Variants in SCML4 observed in about 807,000 individuals in gnomAD.
SCML4 encodes Scm polycomb group protein like 4, also known as sex comb on midleg-like protein 4.
SCML4 carries 34 observed loss-of-function variants against 41.1 expected under a neutral mutation model. The ratio of observed to expected loss-of-function variants is 0.83; its 90% CI spans 0.63 to 1.10. SCML4 has a LOEUF of 1.10. Ranked by LOEUF, SCML4 falls within the 50% of genes least tolerant of loss-of-function variation. SCML4 has a pLI of 0.00. For missense variants in SCML4, 522 were observed against 534.1 expected, an observed-to-expected ratio of 0.98 and a Z score of 0.22; for synonymous variants, 214 against 220.9, an observed-to-expected ratio of 0.97 and a Z score of 0.28.
chr6:107,742,393 A>C (rs573709597), intron 5 of SCML4, among the ~76,000 whole-genome samples: 1 of 152,320 alleles, frequency 6.6e-6, no homozygotes, highest in South Asian at 2.1e-4. Flanking sequence ...AATAACAGAA[A>C]ACTTTCCAAA....
chr6:107,738,351 TATC>T (rs1179572208), intron 5 of SCML4, among the ~76,000 whole-genome samples: 2 of 151,564 alleles, frequency 1.3e-5, no homozygotes, highest in African/African-American at 4.9e-5. Flanking sequence ...ACAGGAAAAA[TATC>T]ATTTGAATAG....
intron 1 of SCML4, among the ~76,000 whole-genome samples, chr6:107,817,420 C>T (rs1163359896): frequency 6.6e-6 from 1 of 152,058 alleles, no homozygotes; most frequent in Non-Finnish European, 1.5e-5. Context: ...AGCTTGAGAC[C>T]AGCCTGGGCA....
At chr6:107,749,507 T>C (rs1256483461) in intron 3 of SCML4, among the ~76,000 whole-genome samples, 177 bp downstream of exon 3, 1 of 152,166 alleles carries the variant, frequency 6.6e-6, no homozygotes, top group Non-Finnish European at 1.5e-5. Context: ...CTGTGGGACA[T>C]ATAAACTGGT....
At chr6:107,835,600 G>A in the SCML4 span, among the ~76,000 whole-genome samples, 4 of 151,498 alleles carry the variant, frequency 2.6e-5, no homozygotes, top group Non-Finnish European at 5.9e-5. Flanking sequence ...AATTATCTGG[G>A]CATGGTGGCA....
intron 1 of SCML4, among the ~76,000 whole-genome samples, chr6:107,822,290 G>A (rs528439889): frequency 4.6e-5 from 7 of 152,234 alleles, no homozygotes; most frequent in Admixed American, 2.6e-4. Flanking sequence ...TCTGTGGGCT[G>A]AGCTGCTTAG....
chr6:107,752,381 G>A (rs570685024), intron 2 of SCML4, among the ~76,000 whole-genome samples: 16 of 152,138 alleles, frequency 1.1e-4, no homozygotes, highest in Non-Finnish European at 1.9e-4. Context: ...ATATGAAGAT[G>A]TACATTTGGG....
intron 1 of SCML4, among the ~76,000 whole-genome samples, chr6:107,800,463 T>G (rs941319664): frequency 4.6e-5 from 7 of 152,196 alleles, no homozygotes; most frequent in African/African-American, 1.7e-4. Flanking sequence ...TACCTTTGAA[T>G]TCAACTCCTG....
chr6:107,799,962 T>C, intron 1 of SCML4, among the ~76,000 whole-genome samples: 1 of 151,332 alleles, frequency 6.6e-6, no homozygotes. Flanking sequence ...TGTGGATATG[T>C]TCCTTTTTTT....
At chr6:107,724,585 CA>C (rs1389628797) in intron 5 of SCML4, among the ~76,000 whole-genome samples, 1 of 151,922 alleles carries the variant, frequency 6.6e-6, no homozygotes, top group African/African-American at 2.4e-5. Flanking sequence ...AAAGTTCAAA[CA>C]TACTCTGAAA....
Position 107,810,064 on chromosome 6 carries a change from G to A in SCML4, c.-60+14062C>T, listed in dbSNP as rs191061604. On this transcript the variant is annotated intron_variant, in intron 1 of 7. Transcript: ENST00000369020. ...GCAAACAGAGAGAGGCTGGCTGCTCGTGAGCAGATAGAGAAGAGCCCTGGT... is the reference window on the plus strand; with the variant it reads ...GCAAACAGAGAGAGGCTGGCTGCTCATGAGCAGATAGAGAAGAGCCCTGGT... 2.7e-3 allele frequency among the ~76,000 whole-genome samples: 414 copies of A among 152,276 alleles called. 2 individuals are homozygous for A. The highest frequency in any genetic ancestry group is 4.0e-3 in the Non-Finnish European group (270 of 68,026).
At chr6:107,803,414 C>A (rs1370332231) in intron 1 of SCML4, among the ~76,000 whole-genome samples, 119 of 145,468 alleles carry the variant, frequency 8.2e-4, no homozygotes, top group Non-Finnish European at 9.8e-4. Context: ...CCGCCCCATC[C>A]GGGAGGGAGG....
At chr6:107,745,305 G>A in intron 4 of SCML4, 162 bp from the exon 5 acceptor site, 1 of 594,004 alleles carries the variant, frequency 1.7e-6, no homozygotes, top group Non-Finnish European at 3.0e-6. Context: ...TTCTGGTGGG[G>A]ATCCCACCCA....
intron 2 of SCML4, among the ~76,000 whole-genome samples, chr6:107,759,271 A>G (rs992919602): frequency 6.6e-6 from 1 of 152,012 alleles, no homozygotes; most frequent in African/African-American, 2.4e-5. Context: ...CGGAGGTTGC[A>G]GTAAGCCGAG....
At chr6:107,800,146 C>T (rs1474418805) in intron 1 of SCML4, among the ~76,000 whole-genome samples, 1 of 152,048 alleles carries the variant, frequency 6.6e-6, no homozygotes, top group Non-Finnish European at 1.5e-5. Flanking sequence ...CACACCACTG[C>T]CCTCAGCATG....
At chr6:107,721,531 GAA>G (rs55720013) in intron 5 of SCML4, among the ~76,000 whole-genome samples, 7 of 150,248 alleles carry the variant, frequency 4.7e-5, no homozygotes, top group South Asian at 2.1e-4. Context: ...CTCAAAAAAA[GAA>G]AAAAAAAAAG....
intron 5 of SCML4, among the ~76,000 whole-genome samples, chr6:107,735,959 A>C (rs1440508626): frequency 6.6e-6 from 1 of 152,006 alleles, no homozygotes; most frequent in African/African-American, 2.4e-5. Flanking sequence ...CTCCCCCTTT[A>C]TTTCTTTTCT....
intron 1 of SCML4, among the ~76,000 whole-genome samples, chr6:107,821,118 A>G (rs996830279): frequency 4.6e-5 from 7 of 152,214 alleles, no homozygotes; most frequent in Non-Finnish European, 1.0e-4. Context: ...AGAGAAAGTT[A>G]ATTATCACCT....
chr6:107,738,403 C>T (rs1312676027), intron 5 of SCML4, among the ~76,000 whole-genome samples: 2 of 151,514 alleles, frequency 1.3e-5, no homozygotes, highest in Admixed American at 6.6e-5. Flanking sequence ...GGGCAGATCA[C>T]CTGAGGTCAG....
At chr6:107,819,530 T>C (rs963659064) in intron 1 of SCML4, among the ~76,000 whole-genome samples, 1 of 152,208 alleles carries the variant, frequency 6.6e-6, no homozygotes, top group Non-Finnish European at 1.5e-5. Flanking sequence ...TCTTGCATGT[T>C]TTCTGGAGAA....
Sources: allele counts gnomAD v4.1 joint callset (sites outside exome capture counted in the v4.1 genomes callset), GRCh38; gene constraint gnomAD v4.1.1; transcripts MANE v1.5; gene names NCBI Gene and HGNC (gene_info 2026-07-23, HGNC 2026-07-21).